Variants in HSF2BP observed in about 807,000 individuals in gnomAD.
HSF2BP encodes heat shock factor 2-binding protein.
A neutral mutation model predicts 35.0 loss-of-function variants in HSF2BP; 35 were observed. The observed-to-expected ratio is 1.00, with a 90% CI of 0.76 to 1.32. The LOEUF is 1.32. Ranked by LOEUF, HSF2BP falls within the 40% of genes most tolerant of loss-of-function variation. HSF2BP has a pLI of 0.00. For synonymous variants in HSF2BP, 114 were observed against 117.4 expected (o/e 0.97, Z 0.18); for missense variants, 326 against 321.7 (o/e 1.01, Z -0.10).
intron 6 of HSF2BP, among the ~76,000 whole-genome samples, chr21:43,626,327 AAAT>A (rs1160680949): frequency 1.3e-5 from 2 of 152,250 alleles, no homozygotes; most frequent in Non-Finnish European, 2.9e-5. Context: ...CAGCATGGGA[AAAT>A]AATAAAGCAA....
At chr21:43,630,550 G>C in intron 5 of HSF2BP, 96 bp from the exon 6 acceptor site, 1 of 1,348,190 alleles carries the variant, frequency 7.4e-7, no homozygotes, top group Non-Finnish European at 9.8e-7. Flanking sequence ...AGTTTTAATT[G>C]TAGAATATTG....
intron 7 of HSF2BP, among the ~76,000 whole-genome samples, chr21:43,594,277 T>C (rs559784386): frequency 6.6e-6 from 1 of 152,290 alleles, no homozygotes; most frequent in Admixed American, 6.5e-5. Flanking sequence ...GTTGGAAGAA[T>C]GTTCTGAGAT....
At chr21:43,591,929 G>T (rs1401913758) in intron 8 of HSF2BP, among the ~76,000 whole-genome samples, 7 of 152,174 alleles carry the variant, frequency 4.6e-5, no homozygotes, top group African/African-American at 1.7e-4. Flanking sequence ...CAGCACTGTT[G>T]TCCAAGTAAC....
intron 5 of HSF2BP, among the ~76,000 whole-genome samples, chr21:43,631,709 C>G (rs1294966922): frequency 6.6e-6 from 1 of 152,138 alleles, no homozygotes; most frequent in Non-Finnish European, 1.5e-5. Context: ...CTCCCCACTA[C>G]TCTATGACAT....
intron 6 of HSF2BP, among the ~76,000 whole-genome samples, chr21:43,618,057 G>A (rs982616135): frequency 2.0e-5 from 3 of 152,036 alleles, no homozygotes; most frequent in Non-Finnish European, 4.4e-5. Flanking sequence ...CTAGAAGTTT[G>A]AGATGAGTCT....
intron 6 of HSF2BP, among the ~76,000 whole-genome samples, chr21:43,626,139 A>G (rs1053757551): frequency 2.6e-5 from 4 of 152,242 alleles, no homozygotes; most frequent in African/African-American, 9.6e-5. Flanking sequence ...TGGAGTAAGG[A>G]ATAGCCAGAA....
intron 4 of HSF2BP, among the ~76,000 whole-genome samples, chr21:43,641,151 C>A (rs1247380984): frequency 2.0e-5 from 3 of 152,264 alleles, no homozygotes; most frequent in African/African-American, 7.2e-5. Flanking sequence ...CACCACCACG[C>A]CTGGCTAATT....
At chr21:43,657,932 G>T (rs1161158606) in intron 2 of HSF2BP, 129 bp downstream of exon 2, 8 of 1,495,648 alleles carry the variant, frequency 5.3e-6, no homozygotes, top group Non-Finnish European at 7.1e-6. Flanking sequence ...GCCGTTAGGG[G>T]AGGAAGTCTC....
At chr21:43,585,349 A>G (rs946343439) in intron 8 of HSF2BP, among the ~76,000 whole-genome samples, 10 of 152,090 alleles carry the variant, frequency 6.6e-5, no homozygotes, top group Non-Finnish European at 1.3e-4. Context: ...CTCACTCCGC[A>G]TTTTGACTGT....
chr21:43,649,092 T>C (rs2082747727), intron 3 of HSF2BP, among the ~76,000 whole-genome samples: 1 of 152,234 alleles, frequency 6.6e-6, no homozygotes, highest in South Asian at 2.1e-4. Flanking sequence ...TTTCCCTCTG[T>C]TGCCCAGGCT....
rs1025287834 is a variant in HSF2BP at position 43,658,199 on chromosome 21, A to G, written c.-103T>C. On this transcript the variant is annotated 5_prime_UTR_variant, in exon 2 of 9. Coordinates refer to ENST00000291560, the MANE Select transcript of HSF2BP (RefSeq NM_007031.2). Reference sequence around the variant, plus strand: ...AATCCACGCCGGGGGTCGGGAACGGAGAGCCGCCAGGCCCAAACCTCCCAG... The same window carrying G: ...AATCCACGCCGGGGGTCGGGAACGGGGAGCCGCCAGGCCCAAACCTCCCAG... 2.3e-6 allele frequency: 3 copies of G among 1,329,810 alleles called. No homozygotes were observed. The highest frequency in any genetic ancestry group is 1.9e-4 in the Middle Eastern group (1 of 5,320). 82.4% of individuals were successfully genotyped at this position (1,329,810 alleles called of 1,614,324 possible).
chr21:43,468,082 AACACACCACATACC>A, the HSF2BP span, among the ~76,000 whole-genome samples: 1,274 of 130,722 alleles, frequency 9.7e-3, 11 homozygotes, highest in Middle Eastern at 0.016. Context: ...AACCACACAC[AACACACCACATACC>A]ACACACCACA....
chr21:43,596,387 TACACACACACACAC>T (rs112009393), intron 7 of HSF2BP, among the ~76,000 whole-genome samples: 1 of 147,350 alleles, frequency 6.8e-6, no homozygotes, highest in Non-Finnish European at 1.5e-5. Context: ...GCTAGTGAAA[TACACACACACACAC>T]ACACACACAC....
At chr21:43,596,861 T>C (rs915738731) in intron 7 of HSF2BP, among the ~76,000 whole-genome samples, 5 of 143,722 alleles carry the variant, frequency 3.5e-5, no homozygotes, top group African/African-American at 1.3e-4. Context: ...CACTCTGGCC[T>C]GCGTGACAGA....
At chr21:43,635,121 C>A (rs2082534432) in intron 4 of HSF2BP, among the ~76,000 whole-genome samples, 1 of 151,806 alleles carries the variant, frequency 6.6e-6, no homozygotes, top group African/African-American at 2.4e-5. Flanking sequence ...ATAGCATTCC[C>A]AGTAACATCA....
chr21:43,591,858 T>C (rs902551643), intron 8 of HSF2BP, among the ~76,000 whole-genome samples: 5 of 152,230 alleles, frequency 3.3e-5, no homozygotes, highest in Non-Finnish European at 5.9e-5. Context: ...CAGCATATGC[T>C]ATGCGCCCTT....
At chr21:43,579,977 T>C (rs1284617982) in intron 8 of HSF2BP, among the ~76,000 whole-genome samples, 1 of 152,196 alleles carries the variant, frequency 6.6e-6, no homozygotes, top group Non-Finnish European at 1.5e-5. Context: ...CAAACCAGAA[T>C]ACAGGAGGAG....
intron 8 of HSF2BP, among the ~76,000 whole-genome samples, chr21:43,581,054 CCT>C (rs2081722043): frequency 1.3e-5 from 2 of 152,048 alleles, no homozygotes; most frequent in Non-Finnish European, 2.9e-5. Context: ...GGCACACTGC[CCT>C]CAAGGGAAGG....
chr21:43,655,185 T>C (rs2082849524), intron 3 of HSF2BP, among the ~76,000 whole-genome samples: 1 of 152,258 alleles, frequency 6.6e-6, no homozygotes, highest in Non-Finnish European at 1.5e-5. Context: ...CAGGCTGCCA[T>C]ACGCTGCTAC....
Sources: allele counts gnomAD v4.1 joint callset (sites outside exome capture counted in the v4.1 genomes callset), GRCh38; gene constraint gnomAD v4.1.1; transcripts MANE v1.5; gene names NCBI Gene and HGNC (gene_info 2026-07-23, HGNC 2026-07-21).